Variants in CRPPA observed in about 807,000 individuals in gnomAD.
CRPPA encodes the protein D-ribitol-5-phosphate cytidylyltransferase.
In CRPPA, 43 loss-of-function variants were observed where a neutral mutation model predicts 52.0. The observed-to-expected ratio is 0.83, with a 90% confidence interval of 0.65 to 1.07. The LOEUF is 1.07. CRPPA is among the 50% of genes least tolerant of loss of function. The pLI is 0.00. For missense variants in CRPPA, 629 were observed against 551.7 expected, an observed-to-expected ratio of 1.14 and a Z score of -1.40; for synonymous variants, 250 against 203.5, an observed-to-expected ratio of 1.23 and a Z score of -1.94.
chr7:16,399,835 G>A (rs1161181826), intron 2 of CRPPA, among the ~76,000 whole-genome samples: 4 of 152,140 alleles, frequency 2.6e-5, no homozygotes, highest in African/African-American at 9.7e-5. Context: ...ATCAGCACGT[G>A]TGGCACATGA....
At chr7:16,204,399 G>C (rs1331721901) in intron 9 of CRPPA, among the ~76,000 whole-genome samples, 1 of 152,086 alleles carries the variant, frequency 6.6e-6, no homozygotes, top group Non-Finnish European at 1.5e-5. Flanking sequence ...CAAGTTTTCA[G>C]TTATTAGTGG....
chr7:16,102,882 T>A (rs143528089), intron 9 of CRPPA, among the ~76,000 whole-genome samples: 5,815 of 152,296 alleles, frequency 0.038, 328 homozygotes, highest in East Asian at 0.3. Flanking sequence ...TCAACCATTG[T>A]GGAAGACAGT....
intron 9 of CRPPA, among the ~76,000 whole-genome samples, chr7:16,105,129 T>A (rs1327544187): frequency 6.6e-6 from 1 of 150,876 alleles, no homozygotes; most frequent in African/African-American, 2.5e-5. Context: ...GTAGAATAGG[T>A]GAGGTCAGCA....
At chr7:16,356,929 A>G (rs1384001785) in intron 3 of CRPPA, among the ~76,000 whole-genome samples, 1 of 152,118 alleles carries the variant, frequency 6.6e-6, no homozygotes. Flanking sequence ...AGTGGTCTTC[A>G]CTCCTAAAAT....
intron 3 of CRPPA, among the ~76,000 whole-genome samples, chr7:16,330,915 C>G (rs1785534239): frequency 6.6e-6 from 1 of 152,124 alleles, no homozygotes; most frequent in African/African-American, 2.4e-5. Context: ...AAGGGACACA[C>G]CCACATACCC....
At chr7:16,205,255 G>T (rs1781948546) in intron 9 of CRPPA, among the ~76,000 whole-genome samples, 1 of 152,102 alleles carries the variant, frequency 6.6e-6, no homozygotes, top group Non-Finnish European at 1.5e-5. Context: ...CAATTAACCT[G>T]ATGTAACCCT....
At chr7:16,418,148 T>C (rs977518952) in intron 1 of CRPPA, among the ~76,000 whole-genome samples, 2 of 152,354 alleles carry the variant, frequency 1.3e-5, no homozygotes, top group African/African-American at 4.8e-5. Flanking sequence ...GGGCTTTCAC[T>C]TGGCAAATGG....
intron 6 of CRPPA, among the ~76,000 whole-genome samples, chr7:16,259,632 T>C (rs1783742117): frequency 6.6e-6 from 1 of 151,994 alleles, no homozygotes; most frequent in Admixed American, 6.6e-5. Context: ...TATAGTTTAA[T>C]ATTCTAATTA....
At chr7:16,414,057 A>G (rs145881453) in intron 1 of CRPPA, among the ~76,000 whole-genome samples, 166 of 152,292 alleles carry the variant, frequency 1.1e-3, no homozygotes, top group African/African-American at 3.4e-3. Context: ...TTTCCTGTAG[A>G]AGATTTATAG....
chr7:16,091,726 G>C lies in CRPPA; in HGVS notation c.1325C>G (p.Ser442Cys). Reference sequence around the variant, plus strand: ...TATCAGAAGCTGACCAATGAGTCCAGAATTTCTTTCCTTGATTAATGAAGC... The same window carrying C: ...TATCAGAAGCTGACCAATGAGTCCACAATTTCTTTCCTTGATTAATGAAGC... The part of the protein sequence containing the change: ...IIASLIKERN[S>C]GLIGQLLIA Residue 442 changes from serine to cysteine, a missense_variant, in exon 10 of 10, where the codon TCT becomes TGT. Ser to Cys is a moderately radical substitution (Grantham distance 112, BLOSUM62 -1). Coordinates refer to ENST00000407010, the MANE Select transcript of CRPPA (RefSeq NM_001101426.4). 6.4e-7 allele frequency: 1 copy of C among 1,560,778 alleles called. No homozygotes were observed. The highest frequency in any genetic ancestry group is 1.2e-5 in the South Asian group (1 of 83,894).
intron 9 of CRPPA, among the ~76,000 whole-genome samples, chr7:16,161,773 T>C (rs1780895443): frequency 6.6e-6 from 1 of 152,178 alleles, no homozygotes; most frequent in South Asian, 2.1e-4. Flanking sequence ...CCAGCTCCTA[T>C]TTGTACCCCT....
Position 16,089,131 on chromosome 7 carries a change from C to T in CRPPA, c.*2564G>A. 2 of 248,106 alleles carry T rather than the reference C, an allele frequency of 8.1e-6. No individual in the cohort carries two copies. Among genetic ancestry groups the T allele is most frequent in the Non-Finnish European group, 1.8e-5 (2 of 111,534 alleles). The allele number at this position is 248,106 out of a possible 1,614,324, so 15.4% of individuals were successfully genotyped here. A position where few individuals can be genotyped will look rare whatever the true frequency, so the allele number is the denominator to read the frequency against. The stretch of plus-strand genomic sequence containing the variant: ...AGTGAAGGATGTGCAGATATATATA[C>T]ATATAAAATACATATACATAAAACA... On this transcript the variant is annotated 3_prime_UTR_variant, in exon 10 of 10. Coordinates refer to ENST00000407010, the MANE Select transcript of CRPPA (RefSeq NM_001101426.4).
intron 9 of CRPPA, among the ~76,000 whole-genome samples, chr7:16,141,974 A>G (rs1782881011): frequency 6.6e-6 from 1 of 152,090 alleles, no homozygotes; most frequent in African/African-American, 2.4e-5. Flanking sequence ...GAGAGAGGAA[A>G]TAGGGGAAGG....
chr7:16,369,900 TGA>T (rs1406680600), intron 3 of CRPPA, among the ~76,000 whole-genome samples: 1 of 152,122 alleles, frequency 6.6e-6, no homozygotes, highest in African/African-American at 2.4e-5. Flanking sequence ...GTCCAGAATG[TGA>T]GAGGGGGAAA....
chr7:16,332,662 GAA>G (rs770761110), intron 3 of CRPPA, among the ~76,000 whole-genome samples: 19 of 152,070 alleles, frequency 1.2e-4, no homozygotes, highest in Non-Finnish European at 2.2e-4. Flanking sequence ...TACTGAGAGA[GAA>G]AGAAGAAAAC....
chr7:16,282,687 A>G (rs1450513282), intron 5 of CRPPA, among the ~76,000 whole-genome samples: 2 of 152,112 alleles, frequency 1.3e-5, no homozygotes, highest in Admixed American at 1.3e-4. Context: ...TATTAATAGG[A>G]GACTTTAAAG....
intron 1 of CRPPA, among the ~76,000 whole-genome samples, chr7:16,418,727 C>T (rs79174307): frequency 0.018 from 2,716 of 152,240 alleles, 62 homozygotes; most frequent in African/African-American, 0.05. Flanking sequence ...ATCTCTGTCC[C>T]ATGATTCAAT....
At chr7:16,332,839 A>G (rs1244701340) in intron 3 of CRPPA, among the ~76,000 whole-genome samples, 1 of 152,150 alleles carries the variant, frequency 6.6e-6, no homozygotes, top group Non-Finnish European at 1.5e-5. Flanking sequence ...ATACCAATTA[A>G]GAGAAAAATT....
chr7:16,153,320 C>T (rs1420582809), intron 9 of CRPPA, among the ~76,000 whole-genome samples: 4 of 151,906 alleles, frequency 2.6e-5, no homozygotes, highest in Non-Finnish European at 5.9e-5. Context: ...AAGTCTTTCC[C>T]TGTGGCTTAT....
Sources: allele counts gnomAD v4.1 joint callset (sites outside exome capture counted in the v4.1 genomes callset), GRCh38; gene constraint gnomAD v4.1.1; transcripts MANE v1.5; gene names NCBI Gene and HGNC (gene_info 2026-07-23, HGNC 2026-07-21).